CLMP: variants seen among roughly 807,000 people sequenced by gnomAD.
CLMP encodes the protein CXADR like cell adhesion molecule, also known as CXADR-like membrane protein.
Under a neutral mutation model 45.2 loss-of-function variants are expected in CLMP, and 27 were observed. That is an observed-to-expected ratio of 0.60 (90% CI 0.44 to 0.82). The LOEUF (loss-of-function observed/expected upper bound fraction) is 0.82. Ranked by LOEUF, CLMP falls within the 40% of genes least tolerant of loss-of-function variation. The pLI, the probability that CLMP is intolerant of heterozygous loss-of-function variation, is 0.00. For synonymous variants in CLMP, 167 were observed against 171.4 expected, an observed-to-expected ratio of 0.97 and a Z score of 0.20; for missense variants, 403 against 448.4, an observed-to-expected ratio of 0.90 and a Z score of 0.91.
rs549431377 is a variant in CLMP, at chr11:123,087,064, G to A, written c.187-2351C>T. Reference sequence around the variant, plus strand: ...ACAAAAATTAGACAGGTGGCCTGACGTGGTGGCTCACGCCTATAATCCCAG... The same window carrying A: ...ACAAAAATTAGACAGGTGGCCTGACATGGTGGCTCACGCCTATAATCCCAG... On this transcript the variant is annotated intron_variant, in intron 2 of 6. Coordinates refer to ENST00000448775, the MANE Select transcript of CLMP (RefSeq NM_024769.5). Among the ~76,000 whole-genome samples the A allele has an allele frequency of 4.2e-3, 645 of 152,066 alleles. 5 individuals are homozygous for A. Among genetic ancestry groups the A allele is most frequent in the African/African-American group, 0.015 (607 of 41,510 alleles).
At chr11:123,192,953 A>G (rs2135555524) in intron 1 of CLMP, 1 of 152,288 alleles carries the variant, frequency 6.6e-6, no homozygotes, top group Non-Finnish European at 1.5e-5. Flanking sequence ...GCTCCAAACC[A>G]TTTCTTAAAT....
At chr11:123,131,354 T>C (rs1161981272) in intron 1 of CLMP, among the ~76,000 whole-genome samples, 1 of 151,732 alleles carries the variant, frequency 6.6e-6, no homozygotes, top group Non-Finnish European at 1.5e-5. Flanking sequence ...AAAGAAAAAA[T>C]ATAGAAAGAA....
chr11:123,083,650 G>A (rs748452382), intron 4 of CLMP, 30 bp downstream of exon 4: 2 of 1,610,458 alleles, frequency 1.2e-6, no homozygotes, highest in South Asian at 1.1e-5. Context: ...TATTTTGTTG[G>A]CTCAATAGAT....
chr11:123,139,060 A>G (rs916281334), intron 1 of CLMP, among the ~76,000 whole-genome samples: 1 of 152,102 alleles, frequency 6.6e-6, no homozygotes, highest in African/African-American at 2.4e-5. Flanking sequence ...AATAAATTCT[A>G]CTGGAACACA....
intron 5 of CLMP, among the ~76,000 whole-genome samples, chr11:123,080,084 T>G (rs1341534906): frequency 6.6e-6 from 1 of 152,118 alleles, no homozygotes; most frequent in Admixed American, 6.6e-5. Flanking sequence ...TTTCCTCACT[T>G]AAAATAAAAC....
At chr11:123,190,028 G>T (rs2135553636) in intron 1 of CLMP, among the ~76,000 whole-genome samples, 1 of 146,482 alleles carries the variant, frequency 6.8e-6, no homozygotes, top group East Asian at 2.0e-4. Flanking sequence ...AAAAAACAAA[G>T]CTCCTGCTTA....
chr11:123,162,977 G>A (rs1861507598), intron 1 of CLMP, among the ~76,000 whole-genome samples: 1 of 152,050 alleles, frequency 6.6e-6, no homozygotes, highest in South Asian at 2.1e-4. Flanking sequence ...AAAGAGCCAT[G>A]GCAGATTCAA....
At chr11:123,078,490 A>G (rs1011446979) in intron 5 of CLMP, among the ~76,000 whole-genome samples, 1 of 152,154 alleles carries the variant, frequency 6.6e-6, no homozygotes, top group South Asian at 2.1e-4. Context: ...TCTGTTGCCC[A>G]GGCTGGAGTG....
At chr11:123,097,994 T>C in intron 1 of CLMP, 42 bp from the exon 2 acceptor site, 1 of 1,428,900 alleles carries the variant, frequency 7.0e-7, no homozygotes, top group Non-Finnish European at 9.3e-7. Context: ...AGAGACTGGA[T>C]GGCAATGTGT....
intron 1 of CLMP, among the ~76,000 whole-genome samples, chr11:123,100,109 G>C (rs1351260262): frequency 1.3e-5 from 2 of 152,110 alleles, no homozygotes; most frequent in African/African-American, 4.8e-5. Flanking sequence ...GGTGGCTCAC[G>C]CCTGTAATCC....
intron 2 of CLMP, among the ~76,000 whole-genome samples, chr11:123,090,756 G>T (rs1342917171): frequency 6.6e-6 from 1 of 152,138 alleles, no homozygotes. Context: ...GCTGGGTCCG[G>T]TTGCATTTTC....
chr11:123,088,365 C>A (rs1386146134), intron 2 of CLMP, among the ~76,000 whole-genome samples: 1 of 152,178 alleles, frequency 6.6e-6, no homozygotes, highest in Non-Finnish European at 1.5e-5. Context: ...GGCCTTACAC[C>A]TGGAGATAAG....
At position 123,184,021 on chromosome 11, in the gene CLMP, T is replaced by A. The variant is rs114122936; in HGVS notation, c.28+10892A>T. On this transcript the variant is annotated intron_variant, in intron 1 of 6. Coordinates refer to ENST00000448775, the MANE Select transcript of CLMP (RefSeq NM_024769.5). ...TCTGCAAAATGAAGGCTGTCATCTG[T>A]CTCATAATGTTATCTTGAAGATTAA... is the stretch of plus-strand genomic sequence containing the variant. Among the ~76,000 whole-genome samples, 1,321 of 152,282 alleles carry A rather than the reference T, an allele frequency of 8.7e-3. 13 individuals are homozygous for A. Among genetic ancestry groups the A allele is most frequent in the African/African-American group, 0.026 (1,077 of 41,540 alleles).
intron 1 of CLMP, among the ~76,000 whole-genome samples, chr11:123,185,327 T>C (rs1396198292): frequency 1.3e-5 from 2 of 152,128 alleles, no homozygotes; most frequent in African/African-American, 4.8e-5. Flanking sequence ...CTGGTCTTTG[T>C]TCTCTGTCTG....
intron 1 of CLMP, among the ~76,000 whole-genome samples, chr11:123,121,890 C>T (rs1192941460): frequency 6.6e-6 from 1 of 152,090 alleles, no homozygotes; most frequent in African/African-American, 2.4e-5. Flanking sequence ...ACTACAGGCA[C>T]GTGCCCTTGC....
At chr11:123,077,976 C>T (rs796572289) in intron 5 of CLMP, among the ~76,000 whole-genome samples, 1 of 152,004 alleles carries the variant, frequency 6.6e-6, no homozygotes, top group East Asian at 1.9e-4. Context: ...GTGTGGTGTG[C>T]AGGCCTGTAA....
At chr11:123,083,239 C>G in intron 4 of CLMP, 32 bp from the exon 5 acceptor site, 7 of 1,601,920 alleles carry the variant, frequency 4.4e-6, no homozygotes, top group Middle Eastern at 1.7e-4. Flanking sequence ...CTGTAAATCC[C>G]TTTAGTGATG....
chr11:123,095,209 C>CAA (rs1865976036), intron 2 of CLMP, among the ~76,000 whole-genome samples: 1 of 152,118 alleles, frequency 6.6e-6, no homozygotes, highest in Admixed American at 6.6e-5. Flanking sequence ...GCTATATAAC[C>CAA]AAGCAAGTCT....
chr11:123,153,522 T>C (rs1400307936), intron 1 of CLMP, among the ~76,000 whole-genome samples: 1 of 152,102 alleles, frequency 6.6e-6, no homozygotes, highest in East Asian at 1.9e-4. Context: ...GGAACTCTAC[T>C]ATGAACTAAA....
Sources: allele counts gnomAD v4.1 joint callset (sites outside exome capture counted in the v4.1 genomes callset), GRCh38; gene constraint gnomAD v4.1.1; transcripts MANE v1.5; gene names NCBI Gene and HGNC (gene_info 2026-07-23, HGNC 2026-07-21).